DOCK2: variants seen among roughly 807,000 people sequenced by gnomAD.
DOCK2 encodes dedicator of cytokinesis 2.
In DOCK2, 87 loss-of-function variants were observed where a neutral mutation model predicts 248.9. The observed-to-expected ratio is 0.35, with a 90% CI of 0.29 to 0.42. The LOEUF is 0.42. Among genes scored for constraint, DOCK2 ranks in the 10% least tolerant of loss-of-function variants. DOCK2 has a pLI of 1.00. For synonymous variants in DOCK2, 805 were observed against 821.6 expected (o/e 0.98, Z 0.35); for missense variants, 1,747 against 2,300.2 (o/e 0.76, Z 4.92).
chr5:169,685,070 CT>C (rs1324745317), intron 8 of DOCK2, among the ~76,000 whole-genome samples: 1 of 152,218 alleles, frequency 6.6e-6, no homozygotes, highest in African/African-American at 2.4e-5. Context: ...AGCCTTTACT[CT>C]TTCTTAACAT....
intron 26 of DOCK2, among the ~76,000 whole-genome samples, chr5:169,819,789 A>AGCACACC (rs1434096192): frequency 7.9e-5 from 12 of 152,218 alleles, no homozygotes; most frequent in South Asian, 2.1e-4. Flanking sequence ...CAGTGGGGGC[A>AGCACACC]GCACACCGAG....
intron 44 of DOCK2, among the ~76,000 whole-genome samples, chr5:170,065,120 T>C (rs551997401): frequency 6.6e-6 from 1 of 152,212 alleles, no homozygotes; most frequent in Admixed American, 6.5e-5. Context: ...ACTTAAAACA[T>C]GGGAGGAGAG....
At chr5:169,947,980 G>C (rs1405421495) in intron 27 of DOCK2, among the ~76,000 whole-genome samples, 1 of 152,200 alleles carries the variant, frequency 6.6e-6, no homozygotes, top group Admixed American at 6.5e-5. Context: ...GCCAGAAGCA[G>C]GGTCAGGATT....
Position 170,018,998 on chromosome 5 carries a change from C to T in DOCK2, c.3271C>T (p.Pro1091Ser), listed in dbSNP as rs150196463. 6 of 1,613,904 alleles carry T rather than the reference C, an allele frequency of 3.7e-6. No homozygotes were observed. Among genetic ancestry groups the T allele is most frequent in the Middle Eastern group, 1.6e-4 (1 of 6,084 alleles). ...CTGCTTCATCCCAGGCATGGTAGGA[C>T]CTATATTAGAGATGACACTTATCCC... ...KICFIPGMVG[P>S]ILEMTLIPEA... The change falls in exon 33 of 52, where the codon CCT (proline) becomes TCT (serine). Residue 1091 changes from proline (P) to serine (S), a missense_variant. Pro to Ser is a moderately conservative substitution (Grantham distance 74). Transcript: ENST00000520908.
intron 26 of DOCK2, among the ~76,000 whole-genome samples, chr5:169,808,593 C>CA (rs1165725922): frequency 2.0e-5 from 3 of 151,944 alleles, no homozygotes; most frequent in Admixed American, 6.6e-5. Context: ...CTTTTCTCCC[C>CA]CCTCACTGAG....
Position 169,901,075 on chromosome 5 carries a change from G to T in DOCK2, c.2799+60223G>T, listed in dbSNP as rs145917873. 5.3e-3 allele frequency among the ~76,000 whole-genome samples: 800 copies of T among 152,270 alleles called. 9 individuals are homozygous for T. Among genetic ancestry groups the T allele is most frequent in the African/African-American group, 0.016 (647 of 41,548 alleles). On this transcript the variant is annotated intron_variant, in intron 27 of 51. Transcript: ENST00000520908. ...ATGTTGTGACCAAAAAATAGAGGCC[G>T]GTGGGAGAATCATGAGTCCTAATTG...
intron 27 of DOCK2, chr5:169,882,601 A>C: frequency 6.4e-7 from 1 of 1,551,580 alleles, no homozygotes; most frequent in Non-Finnish European, 8.7e-7. Flanking sequence ...TACATTCAAA[A>C]GGACTTTAAT....
chr5:170,012,874 C>G (rs1755355231), intron 32 of DOCK2, among the ~76,000 whole-genome samples: 1 of 152,210 alleles, frequency 6.6e-6, no homozygotes, highest in South Asian at 2.1e-4. Context: ...ATTCTAGCGC[C>G]TGGCATCTCG....
chr5:169,648,654 G>T (rs1222143725), intron 1 of DOCK2, among the ~76,000 whole-genome samples: 1 of 152,150 alleles, frequency 6.6e-6, no homozygotes, highest in African/African-American at 2.4e-5. Context: ...TTCACCCCAG[G>T]ATGTTTACTT....
At chr5:169,846,243 A>G (rs1202249364) in intron 27 of DOCK2, among the ~76,000 whole-genome samples, 1 of 152,126 alleles carries the variant, frequency 6.6e-6, no homozygotes, top group African/African-American at 2.4e-5. Flanking sequence ...GATTAGTGAC[A>G]GTTTTTTTCT....
chr5:170,023,272 G>A (rs781120833), intron 33 of DOCK2, among the ~76,000 whole-genome samples: 7 of 152,202 alleles, frequency 4.6e-5, no homozygotes, highest in Admixed American at 2.6e-4. Flanking sequence ...CCTGAACACC[G>A]TAGGAGCTCA....
At chr5:169,791,401 G>T (rs2113065623) in intron 25 of DOCK2, among the ~76,000 whole-genome samples, 1 of 152,330 alleles carries the variant, frequency 6.6e-6, no homozygotes, top group Non-Finnish European at 1.5e-5. Context: ...GTTGACTAAT[G>T]CTCATTATTG....
intron 29 of DOCK2, among the ~76,000 whole-genome samples, chr5:169,988,567 T>TA: frequency 6.6e-6 from 1 of 152,224 alleles, no homozygotes; most frequent in South Asian, 2.1e-4. Context: ...GGCTGGAGTG[T>TA]AATGGCATGC....
At chr5:170,024,357 C>A (rs1420714526) in intron 33 of DOCK2, among the ~76,000 whole-genome samples, 2 of 100,750 alleles carry the variant, frequency 2.0e-5, no homozygotes, top group Non-Finnish European at 3.8e-5. Context: ...TTGGGAGAGC[C>A]TTTTTTTTTT....
chr5:169,669,256 G>C (rs1298364982), intron 2 of DOCK2, 32 bp from the exon 3 acceptor site: 1 of 1,612,252 alleles, frequency 6.2e-7, no homozygotes, highest in South Asian at 1.1e-5. Context: ...TGTAATAAAT[G>C]AGGGAACTGT....
At chr5:169,821,692 C>T (rs1400117660) in intron 26 of DOCK2, among the ~76,000 whole-genome samples, 3 of 152,184 alleles carry the variant, frequency 2.0e-5, no homozygotes, top group Non-Finnish European at 4.4e-5. Context: ...CCCATCGATG[C>T]TAGGAAGAAA....
chr5:170,082,919 C>A lies in DOCK2; in HGVS notation c.*61C>A. On this transcript the variant is annotated 3_prime_UTR_variant, in exon 52 of 52. Transcript: ENST00000520908. ...GAGGGGAGTTTCTGGAAGAGGAAAG[C>A]CATGCGTGGAACATCGAAGCCTCAG... The A allele has an allele frequency of 6.2e-7, 1 of 1,606,166 alleles. No homozygotes were observed. The highest frequency in any genetic ancestry group is 8.5e-7 in the Non-Finnish European group (1 of 1,173,338).
At chr5:169,726,016 A>C (rs1418501867) in intron 22 of DOCK2, among the ~76,000 whole-genome samples, 1 of 152,196 alleles carries the variant, frequency 6.6e-6, no homozygotes, top group African/African-American at 2.4e-5. Context: ...CTTTGGGTAC[A>C]TACCCAGTAA....
chr5:169,851,781 G>C (rs1770627653), intron 27 of DOCK2, among the ~76,000 whole-genome samples: 1 of 152,160 alleles, frequency 6.6e-6, no homozygotes, highest in South Asian at 2.1e-4. Context: ...GGGAGAGAGA[G>C]AAGGGGGAAG....
Sources: gnomAD v4.1 joint callset for allele counts (sites outside exome capture counted in the v4.1 genomes callset) on GRCh38, gnomAD v4.1.1 for gene constraint, MANE v1.5 for transcripts, NCBI Gene and HGNC (gene_info 2026-07-23, HGNC 2026-07-21) for gene names.